Variants in IPO11 observed in about 807,000 individuals in gnomAD.
IPO11 encodes importin 11.
Under a neutral mutation model 143.2 loss-of-function variants are expected in IPO11, and 66 were observed. The ratio of observed to expected loss-of-function variants is 0.46; its 90% CI spans 0.38 to 0.57. The LOEUF (loss-of-function observed/expected upper bound fraction) is 0.57. Among genes scored for constraint, IPO11 ranks in the 20% least tolerant of loss-of-function variants. The probability of loss-of-function intolerance (pLI) is 0.00; values close to 1 mark genes in which losing one functional copy is unlikely to be tolerated. For synonymous variants in IPO11, 385 were observed against 377.8 expected (o/e 1.02, Z -0.22); for missense variants, 1,026 against 1,141.0 (o/e 0.90, Z 1.45).
chr5:62,446,450 C>T (rs1428422752), intron 3 of IPO11, among the ~76,000 whole-genome samples: 1 of 152,188 alleles, frequency 6.6e-6, no homozygotes, highest in Non-Finnish European at 1.5e-5. Flanking sequence ...TTCTTATCAG[C>T]ACTTGGTCTG....
intron 1 of IPO11, among the ~76,000 whole-genome samples, chr5:62,436,865 T>A (rs1744261745): frequency 6.6e-6 from 1 of 152,230 alleles, no homozygotes; most frequent in Non-Finnish European, 1.5e-5. Context: ...TAAAGTTAGG[T>A]GTTACTTACT....
intron 20 of IPO11, among the ~76,000 whole-genome samples, chr5:62,524,787 G>A (rs1742315305): frequency 6.6e-6 from 1 of 152,148 alleles, no homozygotes; most frequent in Non-Finnish European, 1.5e-5. Flanking sequence ...TTAGTAGTAT[G>A]TGTCATCAAA....
At chr5:62,474,513 A>G in intron 8 of IPO11, 49 bp downstream of exon 8, 2 of 1,289,872 alleles carry the variant, frequency 1.6e-6, no homozygotes, top group Non-Finnish European at 2.2e-6. Flanking sequence ...TTTATTCATT[A>G]GTAGCTTATT....
chr5:62,460,705 T>A (rs1481081258), intron 5 of IPO11, among the ~76,000 whole-genome samples: 1 of 152,212 alleles, frequency 6.6e-6, no homozygotes, highest in Non-Finnish European at 1.5e-5. Flanking sequence ...GGTTTAGAAA[T>A]AGAAAATGTT....
At chr5:62,544,801 C>T (rs1743097789) in intron 24 of IPO11, among the ~76,000 whole-genome samples, 1 of 152,056 alleles carries the variant, frequency 6.6e-6, no homozygotes, top group Admixed American at 6.6e-5. Flanking sequence ...TTTTTATACA[C>T]CAATAACAGA....
chr5:62,498,646 T>C (rs1458257165), intron 16 of IPO11, among the ~76,000 whole-genome samples: 1 of 152,164 alleles, frequency 6.6e-6, no homozygotes, highest in Non-Finnish European at 1.5e-5. Context: ...CCCAGCACTT[T>C]GAGAGGCCAA....
chr5:62,415,055 G>C (rs1302306656), intron 1 of IPO11, among the ~76,000 whole-genome samples: 1 of 152,164 alleles, frequency 6.6e-6, no homozygotes, highest in East Asian at 1.9e-4. Context: ...ATGACAATTA[G>C]GTGTTCATTC....
At chr5:62,443,450 C>T (rs995166387) in intron 3 of IPO11, among the ~76,000 whole-genome samples, 18 of 146,992 alleles carry the variant, frequency 1.2e-4, no homozygotes, top group Non-Finnish European at 2.7e-4. Flanking sequence ...TGATGTTGGC[C>T]CTCTGCTTGC....
chr5:62,435,252 A>C (rs1458868960), intron 1 of IPO11, among the ~76,000 whole-genome samples: 1 of 146,204 alleles, frequency 6.8e-6, no homozygotes, highest in Admixed American at 7.0e-5. Context: ...TAAAATATAT[A>C]TATTAGGATT....
intron 19 of IPO11, chr5:62,512,444 A>C: frequency 7.6e-7 from 1 of 1,313,688 alleles, no homozygotes; most frequent in Non-Finnish European, 1.1e-6. Flanking sequence ...ACTCCTCGTC[A>C]TCGTATTTGT....
At chr5:62,470,177 C>G in intron 6 of IPO11, 73 bp from the exon 7 acceptor site, 1 of 1,430,044 alleles carries the variant, frequency 7.0e-7, no homozygotes, top group Non-Finnish European at 9.9e-7. Context: ...TTTTGCAATT[C>G]TGAATCTTTC....
intron 27 of IPO11, among the ~76,000 whole-genome samples, chr5:62,566,279 C>T (rs776548373): frequency 6.6e-6 from 1 of 152,144 alleles, no homozygotes; most frequent in Non-Finnish European, 1.5e-5. Context: ...TCCTCAGCCT[C>T]GCCAGCATCT....
intron 20 of IPO11, among the ~76,000 whole-genome samples, chr5:62,524,597 A>G (rs908150807): frequency 2.5e-4 from 38 of 152,294 alleles, no homozygotes; most frequent in African/African-American, 8.9e-4. Context: ...TGGCATTTTC[A>G]TAATTCTCTT....
At chr5:62,436,616 C>T (rs1744249513) in intron 1 of IPO11, among the ~76,000 whole-genome samples, 2 of 152,180 alleles carry the variant, frequency 1.3e-5, no homozygotes, top group Admixed American at 1.3e-4. Flanking sequence ...ATGGCTTCAG[C>T]TACATGGTAT....
intron 29 of IPO11, among the ~76,000 whole-genome samples, chr5:62,623,424 A>C (rs1191909415): frequency 1.3e-5 from 2 of 152,174 alleles, no homozygotes; most frequent in Non-Finnish European, 2.9e-5. Flanking sequence ...AGCAAAATTC[A>C]ATAGGAAATT....
chr5:62,475,003 A>T (rs760986782), intron 8 of IPO11, among the ~76,000 whole-genome samples: 4 of 152,136 alleles, frequency 2.6e-5, no homozygotes, highest in African/African-American at 7.2e-5. Flanking sequence ...CTGGAATTTT[A>T]TATTTAATAT....
chr5:62,462,546 A>G (rs1162585298), intron 5 of IPO11, among the ~76,000 whole-genome samples: 2 of 150,484 alleles, frequency 1.3e-5, no homozygotes, highest in South Asian at 4.2e-4. Context: ...TACTGTTTTT[A>G]TTTTTTACAG....
intron 27 of IPO11, among the ~76,000 whole-genome samples, chr5:62,564,648 A>C (rs183761709): frequency 1.3e-5 from 2 of 152,012 alleles, no homozygotes; most frequent in Non-Finnish European, 2.9e-5. Context: ...GCCACTACCT[A>C]CCGGATGTCA....
At chr5:62,546,336 A>G (rs765462343) in intron 24 of IPO11, among the ~76,000 whole-genome samples, 1 of 152,198 alleles carries the variant, frequency 6.6e-6, no homozygotes, top group Non-Finnish European at 1.5e-5. Context: ...TTCTGAGCAA[A>G]GTATCGCAAG....
Sources: allele counts gnomAD v4.1 joint callset (sites outside exome capture counted in the v4.1 genomes callset), GRCh38; gene constraint gnomAD v4.1.1; transcripts MANE v1.5; gene names NCBI Gene and HGNC (gene_info 2026-07-23, HGNC 2026-07-21).